Variants in ASIC2 observed in about 807,000 individuals in gnomAD.
ASIC2 encodes the protein acid-sensing ion channel 2.
A neutral mutation model predicts 57.3 loss-of-function variants in ASIC2; 25 were observed. The observed-to-expected ratio is 0.44, with a 90% CI of 0.32 to 0.61. ASIC2 has a LOEUF of 0.61. Among genes scored for constraint, ASIC2 ranks in the 20% least tolerant of loss-of-function variants. ASIC2 has a pLI of 0.06. For missense variants in ASIC2, 641 were observed against 738.1 expected (o/e 0.87, Z 1.52); for synonymous variants, 319 against 307.5 (o/e 1.04, Z -0.39).
intron 1 of ASIC2, among the ~76,000 whole-genome samples, chr17:33,175,563 C>T (rs185171466): frequency 3.2e-4 from 49 of 151,934 alleles, no homozygotes; most frequent in African/African-American, 7.2e-4. Context: ...AGTATTGCGG[C>T]GCTTGTGGCA....
intron 1 of ASIC2, among the ~76,000 whole-genome samples, chr17:34,128,255 C>T (rs1911846866): frequency 6.6e-6 from 1 of 152,100 alleles, no homozygotes; most frequent in Admixed American, 6.5e-5. Context: ...CAAAGTGGCC[C>T]GTGGGATTCC....
intron 1 of ASIC2, chr17:33,794,244 G>A (rs1911852167): frequency 6.6e-6 from 1 of 152,164 alleles, no homozygotes; most frequent in South Asian, 2.1e-4. Context: ...GATTCACATG[G>A]TAGTGGGGCC....
intron 1 of ASIC2, among the ~76,000 whole-genome samples, chr17:33,579,039 A>G (rs1371748444): frequency 6.6e-6 from 1 of 152,046 alleles, no homozygotes; most frequent in African/African-American, 2.4e-5. Context: ...TAATCCCAGC[A>G]CTTTGGGAGG....
intron 1 of ASIC2, among the ~76,000 whole-genome samples, chr17:33,563,150 C>T (rs930240067): frequency 1.3e-5 from 2 of 152,164 alleles, no homozygotes; most frequent in African/African-American, 4.8e-5. Context: ...AGTTTTGCTA[C>T]TTAAAATGAT....
chr17:33,514,295 T>A (rs1914506086), intron 1 of ASIC2, among the ~76,000 whole-genome samples: 1 of 152,102 alleles, frequency 6.6e-6, no homozygotes, highest in Non-Finnish European at 1.5e-5. Context: ...AAGGCCCCAA[T>A]GAACTGAAAT....
intron 3 of ASIC2, among the ~76,000 whole-genome samples, chr17:33,079,062 T>C (rs1394145682): frequency 6.6e-6 from 1 of 152,146 alleles, no homozygotes; most frequent in Non-Finnish European, 1.5e-5. Flanking sequence ...CATTAATGGG[T>C]CTCAAGCAGG....
At chr17:34,055,969 G>A (rs1342576001) in intron 1 of ASIC2, among the ~76,000 whole-genome samples, 3 of 152,180 alleles carry the variant, frequency 2.0e-5, no homozygotes, top group Non-Finnish European at 4.4e-5. Context: ...AAGCAGTTAA[G>A]AGGCTATTAC....
In ASIC2 at chr17:33,210,663, C is replaced by T. The variant is rs7219010; in HGVS notation, c.708+80745G>A. 6.9e-3 allele frequency among the ~76,000 whole-genome samples: 1,046 copies of T among 152,312 alleles called. 9 individuals are homozygous for T. Among genetic ancestry groups the T allele is most frequent in the African/African-American group, 0.024 (984 of 41,564 alleles). On this transcript the variant is annotated intron_variant, in intron 1 of 9. Coordinates refer to ENST00000225823, the MANE Select transcript of ASIC2 (RefSeq NM_183377.2). ...GGCTGAGTGAGCACCTTCTACTTAG[C>T]AGGGAATATGGGGGCAGACAACGAG...
chr17:33,252,459 C>G (rs545675709), intron 1 of ASIC2, among the ~76,000 whole-genome samples: 2 of 152,278 alleles, frequency 1.3e-5, no homozygotes, highest in South Asian at 4.2e-4. Context: ...ACAGACGCAG[C>G]CTGCCAGGAA....
chr17:33,732,448 A>T (rs1210423229), intron 1 of ASIC2, among the ~76,000 whole-genome samples: 1 of 150,986 alleles, frequency 6.6e-6, no homozygotes, highest in African/African-American at 2.4e-5. Context: ...TGATCTCTAT[A>T]CCTCCATGTT....
intron 3 of ASIC2, among the ~76,000 whole-genome samples, chr17:33,037,367 T>C (rs1227104832): frequency 6.6e-6 from 1 of 151,226 alleles, no homozygotes; most frequent in Non-Finnish European, 1.5e-5. Flanking sequence ...CAAGGTTTGT[T>C]CAGGGTCAGC....
At position 33,291,883 on chromosome 17, in the gene ASIC2, G is replaced by T. The variant is rs766370991; in HGVS notation, c.233C>A (p.Ala78Glu). 11 of 1,605,726 alleles carry T rather than the reference G, an allele frequency of 6.9e-6. No homozygotes were observed. Among genetic ancestry groups the T allele is most frequent in the Non-Finnish European group, 8.5e-6 (10 of 1,178,952 alleles). The change falls in exon 1 of 10, where the codon GCG becomes GAG. Residue 78 changes from alanine (A) to glutamate (E), a missense_variant. Ala to Glu is a moderately radical substitution (Grantham distance 107). Around this residue, in one of 3 missense-constraint regions of ASIC2, gnomAD observed 382 missense variants for 398.0 expected, o/e 0.96. Coordinates refer to ENST00000225823, the MANE Select transcript of ASIC2 (RefSeq NM_183377.2). ...GLRHMCAGRT[A>E]AGGSFQRRAL... ...CCGCCGCTGGAAGGAGCCCCCAGCC[G>T]CCGTGCGCCCGGCACACATGTGCCG...
At chr17:34,122,003 G>C (rs374567844) in intron 1 of ASIC2, among the ~76,000 whole-genome samples, 1 of 152,250 alleles carries the variant, frequency 6.6e-6, no homozygotes, top group African/African-American at 2.4e-5. Flanking sequence ...GGCACTCAGT[G>C]CTTTGCTGCA....
chr17:34,107,381 C>T lies in ASIC2; in HGVS notation c.555+48597G>A, dbSNP rs139464223. On this transcript the variant is annotated intron_variant, in intron 1 of 9. Transcript: ENST00000359872. The stretch of plus-strand genomic sequence containing the variant: ...AAAATTAGCTAGGGGTGGTGGTGAT[C>T]GCCTATAGTCCCAGCTACTTGGGTT... Among the ~76,000 whole-genome samples the T allele has an allele frequency of 2.1e-4, 32 of 152,124 alleles. No homozygotes were observed. In the East Asian group the frequency reaches 6.2e-3, roughly 29 times the overall value.
At chr17:33,509,678 G>T (rs906672574) in intron 1 of ASIC2, among the ~76,000 whole-genome samples, 12 of 152,228 alleles carry the variant, frequency 7.9e-5, no homozygotes, top group Non-Finnish European at 1.3e-4. Flanking sequence ...GACTTAAGGT[G>T]ATGTAGCCTA....
Position 33,506,729 on chromosome 17 carries a change from G to C in ASIC2, c.556-394662C>G, listed in dbSNP as rs189929339. 8.5e-5 allele frequency among the ~76,000 whole-genome samples: 13 copies of C among 152,278 alleles called. No individual in the cohort carries two copies. The East Asian group carries it at 2.3e-3, about 27-fold the overall frequency. The stretch of plus-strand genomic sequence containing the variant: ...CCATGTGCCTTTGGATAAGCTCATC[G>C]ATCTCTCGGATCCTCAGTTTTCTCA... On this transcript the variant is annotated intron_variant, in intron 1 of 9. Coordinates refer to the ASIC2 transcript ENST00000359872.
chr17:33,416,341 T>C (rs987663812), intron 1 of ASIC2, among the ~76,000 whole-genome samples: 1 of 152,252 alleles, frequency 6.6e-6, no homozygotes, highest in African/African-American at 2.4e-5. Flanking sequence ...ATCATGGCAG[T>C]TGACATCCAC....
At chr17:33,028,074 A>C (rs113324011) in intron 4 of ASIC2, among the ~76,000 whole-genome samples, 168 bp downstream of exon 4, 24 of 152,230 alleles carry the variant, frequency 1.6e-4, no homozygotes, top group African/African-American at 5.5e-4. Flanking sequence ...GCTGGACCAG[A>C]AGTTTCCACC....
intron 1 of ASIC2, among the ~76,000 whole-genome samples, chr17:33,586,128 G>A (rs1277642784): frequency 1.3e-5 from 2 of 152,136 alleles, no homozygotes; most frequent in Non-Finnish European, 2.9e-5. Context: ...TGGCAAAGAA[G>A]AGTGTCCACC....
Sources: gnomAD v4.1 joint callset for allele counts (sites outside exome capture counted in the v4.1 genomes callset) on GRCh38, gnomAD v4.1.1 for gene constraint, gnomAD v4.1.1 regional missense constraint, MANE v1.5 for transcripts, NCBI Gene and HGNC (gene_info 2026-07-23, HGNC 2026-07-21) for gene names.